The following RBFOX2 variants were observed in gnomAD, a reference collection of about 807,000 sequenced individuals.
RBFOX2 encodes RNA binding protein fox-1 homolog 2.
RBFOX2 carries 10 observed loss-of-function variants against 49.1 expected under a neutral mutation model. The ratio of observed to expected loss-of-function variants is 0.20; its 90% CI spans 0.13 to 0.35. The LOEUF (loss-of-function observed/expected upper bound fraction) is 0.35. Ranked by LOEUF, RBFOX2 falls within the 10% of genes least tolerant of loss-of-function variation. The pLI, the probability that RBFOX2 is intolerant of heterozygous loss-of-function variation, is 1.00. For synonymous variants in RBFOX2, 183 were observed against 187.4 expected, an observed-to-expected ratio of 0.98 and a Z score of 0.19; for missense variants, 323 against 486.9, an observed-to-expected ratio of 0.66 and a Z score of 3.17.
At chr22:35,828,450 C>T (rs943333577) in intron 1 of RBFOX2, among the ~76,000 whole-genome samples, 2 of 152,062 alleles carry the variant, frequency 1.3e-5, no homozygotes, top group African/African-American at 2.4e-5. Context: ...GCACAGGGGA[C>T]GGTACTGGAG....
chr22:35,739,552 C>T (rs1928780877), exon 12 of RBFOX2: 1 of 152,688 alleles, frequency 6.5e-6, no homozygotes, highest in South Asian at 2.1e-4. Context: ...AAAACAAGCA[C>T]ACACACAAAT....
At chr22:36,019,060 C>A (rs867233226) in intron 1 of RBFOX2, among the ~76,000 whole-genome samples, 43 of 152,148 alleles carry the variant, frequency 2.8e-4, no homozygotes, top group African/African-American at 9.9e-4. Context: ...ACTTTTGAAC[C>A]AACATACGTA....
chr22:35,840,618 G>A, upstream of RBFOX2: 1 of 1,086,928 alleles, frequency 9.2e-7, no homozygotes, highest in South Asian at 3.1e-5. Flanking sequence ...GCGCACGCGT[G>A]TGTGCGTGTG....
chr22:35,897,950 T>C (rs1190190535), intron 1 of RBFOX2: 2 of 772,076 alleles, frequency 2.6e-6, no homozygotes, highest in Non-Finnish European at 4.6e-6. Flanking sequence ...ACCTGAGCAA[T>C]TGCTTGGGGA....
intron 9 of RBFOX2, among the ~76,000 whole-genome samples, chr22:35,758,757 T>C (rs1342708008): frequency 1.3e-5 from 2 of 152,180 alleles, no homozygotes; most frequent in African/African-American, 2.4e-5. Flanking sequence ...ACATACCTTG[T>C]CTAATAAAAA....
intron 3 of RBFOX2, among the ~76,000 whole-genome samples, chr22:35,778,289 G>T (rs1263825881): frequency 6.6e-6 from 1 of 152,200 alleles, no homozygotes; most frequent in Non-Finnish European, 1.5e-5. Flanking sequence ...TGTGGAAGCT[G>T]TTGTCCAAAG....
At chr22:35,857,676 G>A (rs2042663805) in intron 1 of RBFOX2, among the ~76,000 whole-genome samples, 1 of 152,174 alleles carries the variant, frequency 6.6e-6, no homozygotes, top group Non-Finnish European at 1.5e-5. Context: ...CACTGATGCA[G>A]TCTGTAACAT....
exon 1 of RBFOX2, chr22:36,028,541 T>C (rs1402560113): frequency 4.5e-5 from 39 of 862,446 alleles, no homozygotes; most frequent in Non-Finnish European, 5.4e-5. Context: ...CGCCCCCGCG[T>C]GCGTGCGTGC....
chr22:35,954,875 T>C (rs1015821365), intron 1 of RBFOX2, among the ~76,000 whole-genome samples: 3 of 152,118 alleles, frequency 2.0e-5, no homozygotes, highest in South Asian at 4.2e-4. Context: ...GTGTACATGG[T>C]TGATAATCAA....
At chr22:35,791,646 T>A (rs1297101072) in intron 2 of RBFOX2, among the ~76,000 whole-genome samples, 3 of 152,182 alleles carry the variant, frequency 2.0e-5, no homozygotes, top group Non-Finnish European at 4.4e-5. Flanking sequence ...CATTTCACAA[T>A]TAGAAACAGT....
In RBFOX2 at chr22:35,886,568, C is replaced by T. The variant is rs1367684935; in HGVS notation, c.-34+52279G>A. Among the ~76,000 whole-genome samples the T allele has an allele frequency of 2.0e-5, 3 of 152,160 alleles. No homozygotes were observed. The South Asian group carries it at 6.2e-4, about 32-fold the overall frequency. On this transcript the variant is annotated intron_variant, in intron 1 of 13. Coordinates refer to the RBFOX2 transcript ENST00000359369. ...ACACACCTCGGCTATACGGTATGTA[C>T]GACCTATTGCTCTTAGGCTACAAAC...
chr22:35,773,540 T>A (rs543298508), intron 4 of RBFOX2, among the ~76,000 whole-genome samples: 1 of 152,090 alleles, frequency 6.6e-6, no homozygotes, highest in African/African-American at 2.4e-5. Context: ...CCTGAAAATA[T>A]GTACATCTAA....
chr22:35,821,878 A>C, intron 1 of RBFOX2: 1 of 519,006 alleles, frequency 1.9e-6, no homozygotes, highest in Non-Finnish European at 3.8e-6. Flanking sequence ...TTTGTATGGC[A>C]AACTTTGACC....
chr22:35,970,897 T>C (rs1474564457), intron 1 of RBFOX2, among the ~76,000 whole-genome samples: 4 of 152,160 alleles, frequency 2.6e-5, no homozygotes. Flanking sequence ...TGGCAGAGTT[T>C]CTGTAATCAT....
At chr22:35,913,560 G>GTATA (rs372656039) in intron 1 of RBFOX2, among the ~76,000 whole-genome samples, 7 of 147,258 alleles carry the variant, frequency 4.8e-5, no homozygotes, top group South Asian at 2.2e-4. Context: ...GTGTGTGTGT[G>GTATA]TATATATATA....
At chr22:35,876,596 T>A (rs2045121705) in intron 1 of RBFOX2, among the ~76,000 whole-genome samples, 1 of 152,080 alleles carries the variant, frequency 6.6e-6, no homozygotes, top group South Asian at 2.1e-4. Context: ...AAGGGTATTG[T>A]AGTCATTCTA....
intron 1 of RBFOX2, among the ~76,000 whole-genome samples, chr22:35,855,010 C>G (rs570673218): frequency 6.6e-6 from 1 of 152,178 alleles, no homozygotes; most frequent in East Asian, 1.9e-4. Flanking sequence ...GAAAGAAATT[C>G]CATGCATGGA....
intron 1 of RBFOX2, among the ~76,000 whole-genome samples, chr22:35,821,325 G>C (rs549269340): frequency 3.1e-4 from 47 of 152,114 alleles, no homozygotes; most frequent in Non-Finnish European, 5.3e-4. Context: ...AGCCTGGCCA[G>C]GCGTGTTGGC....
chr22:35,952,000 C>T (rs1449035769), intron 1 of RBFOX2, among the ~76,000 whole-genome samples: 1 of 152,216 alleles, frequency 6.6e-6, no homozygotes, highest in East Asian at 1.9e-4. Context: ...CAGAACTGAT[C>T]AGAGTGGCTC....
Sources: allele counts gnomAD v4.1 joint callset (sites outside exome capture counted in the v4.1 genomes callset), GRCh38; gene constraint gnomAD v4.1.1; transcripts MANE v1.5; gene names NCBI Gene and HGNC (gene_info 2026-07-23, HGNC 2026-07-21).